IL1RAPL2: variants seen among roughly 807,000 people sequenced by gnomAD.
IL1RAPL2 encodes X-linked interleukin-1 receptor accessory protein-like 2.
A neutral mutation model predicts 44.1 loss-of-function variants in IL1RAPL2; 3 were observed. The observed-to-expected ratio is 0.07, with a 90% confidence interval of 0.03 to 0.18. The LOEUF is 0.18. Ranked by LOEUF, IL1RAPL2 falls within the 10% of genes least tolerant of loss-of-function variation. The pLI, the probability that IL1RAPL2 is intolerant of heterozygous loss-of-function variation, is 1.00. For missense variants in IL1RAPL2, 391 were observed against 496.4 expected (o/e 0.79, Z 2.02); for synonymous variants, 181 against 178.8 (o/e 1.01, Z -0.10).
intron 1 of IL1RAPL2, among the ~76,000 whole-genome samples, chrX:104,639,244 A>G (rs1026143379): frequency 8.1e-5 from 9 of 111,567 alleles, no homozygotes; most frequent in Non-Finnish European, 1.7e-4. Flanking sequence ...TTATGTCAGT[A>G]GTACATGGCT....
chrX:104,903,113 A>G (rs781031067), intron 2 of IL1RAPL2, among the ~76,000 whole-genome samples: 1 of 111,959 alleles, frequency 8.9e-6, no homozygotes, highest in Non-Finnish European at 1.9e-5. Context: ...ATTCAATACA[A>G]TAGCCAAAAC....
chrX:105,243,571 ATATATATATATATGTG>A (rs2034191960), intron 4 of IL1RAPL2, among the ~76,000 whole-genome samples: 1 of 93,035 alleles, frequency 1.1e-5, no homozygotes, highest in Admixed American at 1.1e-4. Context: ...ATGTGTGTAT[ATATATATATATATGTG>A]TATATATATA....
At chrX:105,428,693 A>G (rs1005213994) in intron 5 of IL1RAPL2, among the ~76,000 whole-genome samples, 5 of 112,076 alleles carry the variant, frequency 4.5e-5, no homozygotes, top group Admixed American at 2.8e-4. Context: ...CCTGTGGTAC[A>G]TTTGTATAGT....
chrX:105,259,323 C>T (rs887827549), intron 4 of IL1RAPL2, among the ~76,000 whole-genome samples: 10 of 111,690 alleles, frequency 9.0e-5, no homozygotes, highest in Non-Finnish European at 1.7e-4. Flanking sequence ...AGCCCTGTTC[C>T]CTCTCAATGC....
chrX:105,419,859 A>C (rs1041434179), intron 5 of IL1RAPL2, among the ~76,000 whole-genome samples: 1 of 111,921 alleles, frequency 8.9e-6, no homozygotes, highest in Admixed American at 9.5e-5. Flanking sequence ...TCATCTTGTC[A>C]GTCTTTTTTT....
chrX:105,385,342 T>G (rs2035468616), intron 5 of IL1RAPL2, among the ~76,000 whole-genome samples: 1 of 110,845 alleles, frequency 9.0e-6, no homozygotes, highest in Non-Finnish European at 1.9e-5. Context: ...ATTATTGTCT[T>G]CATTATTTAT....
chrX:105,521,354 AAC>A (rs757324779), intron 6 of IL1RAPL2, among the ~76,000 whole-genome samples: 2 of 110,939 alleles, frequency 1.8e-5, no homozygotes, highest in East Asian at 5.7e-4. Context: ...GAAAAACAAC[AAC>A]AGTGACAATG....
intron 2 of IL1RAPL2, among the ~76,000 whole-genome samples, chrX:104,695,051 G>T (rs1185145551): frequency 8.9e-6 from 1 of 111,951 alleles, no homozygotes; most frequent in Admixed American, 9.5e-5. Flanking sequence ...ATGTGTCTTG[G>T]TCTGCTACTT....
chrX:105,085,475 A>G (rs2032467683), intron 2 of IL1RAPL2, among the ~76,000 whole-genome samples: 1 of 112,515 alleles, frequency 8.9e-6, no homozygotes, highest in African/African-American at 3.2e-5. Context: ...ACAATGAGAT[A>G]TCACCTCACA....
rs1199129206 is a variant in IL1RAPL2 at position 105,395,253 on chromosome X, A to G, written c.698-89060A>G. 2.7e-5 allele frequency among the ~76,000 whole-genome samples: 3 copies of G among 110,387 alleles called. No individual in the cohort carries two copies. In the Admixed American group the frequency reaches 2.9e-4, roughly 11 times the overall value. ...ATATATATATAGGCTTTATTCAAAC[A>G]CTCAGAGTTTGAAACCGGAAACCAC... On this transcript the variant is annotated intron_variant, in intron 5 of 10. Transcript: ENST00000372582.
At chrX:105,560,111 A>G (rs1416782773) in intron 6 of IL1RAPL2, among the ~76,000 whole-genome samples, 1 of 111,209 alleles carries the variant, frequency 9.0e-6, no homozygotes, top group East Asian at 2.9e-4. Flanking sequence ...AACTCTACCA[A>G]TGCACCATAG....
intron 2 of IL1RAPL2, among the ~76,000 whole-genome samples, chrX:104,685,319 T>C (rs1185774720): frequency 1.8e-5 from 2 of 112,071 alleles, no homozygotes; most frequent in African/African-American, 6.5e-5. Flanking sequence ...TTGTGAAAAT[T>C]TGTTCTCTTC....
At chrX:104,675,097 C>A (rs1930717665) in intron 2 of IL1RAPL2, among the ~76,000 whole-genome samples, 1 of 111,121 alleles carries the variant, frequency 9.0e-6, no homozygotes, top group African/African-American at 3.3e-5. Flanking sequence ...TCTCTATTTC[C>A]TTCAGTTCTG....
intron 5 of IL1RAPL2, among the ~76,000 whole-genome samples, chrX:105,442,522 C>G (rs766560299): frequency 1.8e-5 from 2 of 112,271 alleles, no homozygotes; most frequent in African/African-American, 6.5e-5. Flanking sequence ...TATCCCCAAA[C>G]TTTGTGGCAC....
chrX:105,037,941 A>G (rs1013840188), intron 2 of IL1RAPL2, among the ~76,000 whole-genome samples: 1 of 112,024 alleles, frequency 8.9e-6, no homozygotes, highest in Non-Finnish European at 1.9e-5. Flanking sequence ...AAAGTGTCCA[A>G]TTAAGCCCAA....
intron 10 of IL1RAPL2, among the ~76,000 whole-genome samples, chrX:105,761,655 G>GT (rs2038689191): frequency 8.9e-6 from 1 of 111,767 alleles, no homozygotes; most frequent in African/African-American, 3.2e-5. Flanking sequence ...AATTAATGGA[G>GT]TATTATCTGT....
At chrX:105,102,965 T>C (rs2032689605) in intron 2 of IL1RAPL2, among the ~76,000 whole-genome samples, 1 of 111,659 alleles carries the variant, frequency 9.0e-6, no homozygotes. Context: ...TGCTCCTTAC[T>C]ATAATGAGGA....
At chrX:104,810,777 G>T in intron 2 of IL1RAPL2, among the ~76,000 whole-genome samples, 1 of 111,912 alleles carries the variant, frequency 8.9e-6, no homozygotes, top group Non-Finnish European at 1.9e-5. Flanking sequence ...GAAAAATCCA[G>T]ACTTCGGGTT....
At chrX:105,465,975 C>A (rs930273364) in intron 5 of IL1RAPL2, among the ~76,000 whole-genome samples, 4 of 111,440 alleles carry the variant, frequency 3.6e-5, no homozygotes, top group Non-Finnish European at 7.5e-5. Flanking sequence ...CATACATTAT[C>A]CCTGACATTA....
Sources: gnomAD v4.1 joint callset for allele counts (sites outside exome capture counted in the v4.1 genomes callset) on GRCh38, gnomAD v4.1.1 for gene constraint, MANE v1.5 for transcripts, NCBI Gene and HGNC (gene_info 2026-07-23, HGNC 2026-07-21) for gene names.